Variants in SGSM2 observed in about 807,000 individuals in gnomAD.
SGSM2 encodes the protein small G protein signaling modulator 2, also known as RUN and TBC1 domain containing 1.
SGSM2 carries 89 observed loss-of-function variants against 126.6 expected under a neutral mutation model. The ratio of observed to expected loss-of-function variants is 0.70; its 90% confidence interval spans 0.59 to 0.84. SGSM2 has a LOEUF of 0.84. Among genes scored for constraint, SGSM2 ranks in the 40% least tolerant of loss-of-function variants. The pLI is 0.00. For missense variants in SGSM2, 1,404 were observed against 1,416.6 expected, an observed-to-expected ratio of 0.99 and a Z score of 0.14; for synonymous variants, 614 against 574.3, an observed-to-expected ratio of 1.07 and a Z score of -0.99.
In SGSM2 at chr17:2,367,834, C is replaced by T. The variant is rs1037887052; in HGVS notation, c.1423+429C>T. On this transcript the variant is annotated intron_variant, in intron 12 of 23. Coordinates refer to ENST00000268989, the MANE Select transcript of SGSM2 (RefSeq NM_014853.3). This position sits in a 1 kb window ranked among gnomAD's most constrained non-coding sequence, Gnocchi z 4.0. Reference sequence around the variant, plus strand: ...CTTAACAGAAACAGGATGGAGGTACCGGGTCCTTCCTGGGGCAGGGGCAGC... The same window carrying T: ...CTTAACAGAAACAGGATGGAGGTACTGGGTCCTTCCTGGGGCAGGGGCAGC... 2.0e-5 allele frequency among the ~76,000 whole-genome samples: 3 copies of T among 152,124 alleles called. No homozygotes were observed. Among genetic ancestry groups the T allele is most frequent in the Non-Finnish European group, 2.9e-5 (2 of 68,008 alleles).
intron 1 of SGSM2, among the ~76,000 whole-genome samples, chr17:2,340,874 A>T (rs140941338): frequency 6.6e-6 from 1 of 152,098 alleles, no homozygotes; most frequent in Non-Finnish European, 1.5e-5. Context: ...GTGAGCCACC[A>T]CGCCTGGCCC....
chr17:2,372,177 G>C lies in SGSM2; in HGVS notation c.1578-13G>C. The C allele has an allele frequency of 1.2e-6, 2 of 1,613,210 alleles. No individual in the cohort carries two copies. The highest frequency in any genetic ancestry group is 2.2e-5 in the South Asian group (2 of 91,088). On this transcript the variant is annotated splice_polypyrimidine_tract_variant and intron_variant, in intron 13 of 23. Coordinates refer to ENST00000268989, the MANE Select transcript of SGSM2 (RefSeq NM_014853.3). The surrounding 1 kb of genome is among the most constrained non-coding windows in gnomAD (Gnocchi z 6.0). ...CCGCAGCCCCTCCCTGCTGAGCCCG[G>C]TTGTTGCCACAGGTTGCCGCTCAGG... is the stretch of plus-strand genomic sequence containing the variant.
Position 2,363,462 on chromosome 17 carries a change from C to T in SGSM2, c.673-3C>T, listed in dbSNP as rs1342141602. The T allele has an allele frequency of 6.2e-7, 1 of 1,613,192 alleles. No homozygotes were observed. Among genetic ancestry groups the T allele is most frequent in the Non-Finnish European group, 8.5e-7 (1 of 1,180,006 alleles). On this transcript the variant is annotated splice_region_variant and splice_polypyrimidine_tract_variant and intron_variant, in intron 6 of 23. Transcript: ENST00000268989. The surrounding 1 kb of genome is among the most constrained non-coding windows in gnomAD (Gnocchi z 4.2). ...GGAGGCTGAGCCCCGGCCTTCCACACAGATCCGGAAACGGCACTCAAGCGG... is the reference window on the plus strand; with the variant it reads ...GGAGGCTGAGCCCCGGCCTTCCACATAGATCCGGAAACGGCACTCAAGCGG...
chr17:2,379,775 T>C lies in SGSM2; in HGVS notation c.*255T>C, dbSNP rs1280152780. 2 of 1,365,190 alleles carry C rather than the reference T, an allele frequency of 1.5e-6. No individual in the cohort carries two copies. The highest frequency in any genetic ancestry group is 1.9e-6 in the Non-Finnish European group (2 of 1,056,356). 84.6% of individuals were successfully genotyped at this position (1,365,190 alleles called of 1,614,324 possible). The stretch of plus-strand genomic sequence containing the variant: ...GCTGCCTTGGGGGACACACCTACTC[T>C]GCTCCCCTCTCACACATCTGGGAGT... On this transcript the variant is annotated 3_prime_UTR_variant, in exon 24 of 24. Coordinates refer to ENST00000268989, the MANE Select transcript of SGSM2 (RefSeq NM_014853.3).
chr17:2,372,496 C>T lies in SGSM2; in HGVS notation c.1788+8C>T. The T allele has an allele frequency of 6.3e-7, 1 of 1,595,714 alleles. No homozygotes were observed. Among genetic ancestry groups the T allele is most frequent in the Non-Finnish European group, 8.5e-7 (1 of 1,174,894 alleles). On this transcript the variant is annotated splice_region_variant and intron_variant, in intron 15 of 23. Transcript: ENST00000268989. This position sits in a 1 kb window ranked among gnomAD's most constrained non-coding sequence, Gnocchi z 6.0. ...TATCAGAAGGACAAAAAGGTGCCAA[C>T]CCTGGGGTTCCAGGGCCACAGGTCG...
chr17:2,338,789 A>ATATATATATATAT (rs1483751869), intron 1 of SGSM2, among the ~76,000 whole-genome samples: 14 of 148,206 alleles, frequency 9.4e-5, no homozygotes, highest in East Asian at 2.3e-4. Context: ...ATATATATAT[A>ATATATATATATAT]ACCTCACGCC....
In SGSM2 at chr17:2,375,559, C is replaced by G; in HGVS notation, c.2168C>G (p.Pro723Arg). 1 of 1,613,880 alleles carries G rather than the reference C, an allele frequency of 6.2e-7. No individual in the cohort carries two copies. Among genetic ancestry groups the G allele is most frequent in the Non-Finnish European group, 8.5e-7 (1 of 1,180,014 alleles). ...PQDPEDSRPK[P>R]EQEAGPGTPG... ...GACCCTGAAGATTCCAGACCAAAACCTGAGCAGGAAGCAGGACCCGGGACT... is the reference window on the plus strand; with the variant it reads ...GACCCTGAAGATTCCAGACCAAAACGTGAGCAGGAAGCAGGACCCGGGACT... The change falls in exon 18 of 24, where the codon CCT becomes CGT. Residue 723 changes from proline to arginine, a missense_variant. Transcript: ENST00000268989.
rs568784613 is a variant in SGSM2 at position 2,378,426 on chromosome 17, A to C, written c.2899+473A>C. On this transcript the variant is annotated intron_variant, in intron 22 of 23. Transcript: ENST00000268989. ...CTCCGTCTCTACTAAAAATACAAAA[A>C]TCAGCCGGGCATGGTGGCGGGTGCC... is the stretch of plus-strand genomic sequence containing the variant. 1.6e-3 allele frequency among the ~76,000 whole-genome samples: 242 copies of C among 151,906 alleles called. 2 individuals carry two copies. Among genetic ancestry groups the C allele is most frequent in the African/African-American group, 5.7e-3 (235 of 41,414 alleles).
At chr17:2,341,193 A>G (rs2064353708) in intron 1 of SGSM2, among the ~76,000 whole-genome samples, 1 of 151,994 alleles carries the variant, frequency 6.6e-6, no homozygotes, top group Admixed American at 6.6e-5. Flanking sequence ...ATCTCAGCTC[A>G]CTGCAACCTC....
At chr17:2,342,461 A>C (rs2064414181) in intron 1 of SGSM2, among the ~76,000 whole-genome samples, 4 of 151,828 alleles carry the variant, frequency 2.6e-5, no homozygotes, top group Admixed American at 2.6e-4. Flanking sequence ...AAACCCACAA[A>C]ACTGTCGTGT....
In SGSM2 at chr17:2,380,373, A is replaced by G. The variant is rs60072521; in HGVS notation, c.*853A>G. 93,215 of 1,426,340 alleles carry G rather than the reference A, an allele frequency of 0.065. 4,050 individuals are homozygous for G. Among genetic ancestry groups the G allele is most frequent in the African/African-American group, 0.16 (11,645 of 70,842 alleles). 88.4% of individuals were successfully genotyped at this position (1,426,340 alleles called of 1,614,324 possible). ...AATCCCAGGGTGACTCTGTCGGGGA[A>G]GAATCCGGTCACAGCCTCCCCTCAG... On this transcript the variant is annotated 3_prime_UTR_variant, in exon 24 of 24. Coordinates refer to ENST00000268989, the MANE Select transcript of SGSM2 (RefSeq NM_014853.3).
At chr17:2,379,399 G>C in intron 23 of SGSM2, 33 bp from the exon 24 acceptor site, 1 of 1,592,244 alleles carries the variant, frequency 6.3e-7, no homozygotes, top group Non-Finnish European at 8.6e-7. Context: ...CCTTTCTCTG[G>C]GCCTCTCTAC....
At chr17:2,376,391 AACG>A (rs1264501155) in intron 19 of SGSM2, 130 bp downstream of exon 19, 1 of 1,265,996 alleles carries the variant, frequency 7.9e-7, no homozygotes, top group Admixed American at 2.3e-5. Flanking sequence ...CCCTGCCTGG[AACG>A]CTTTTTTCCT....
rs527379774 is a variant in SGSM2 at position 2,375,863 on chromosome 17, G to T, written c.2472G>T (p.Ala824=). ...EAGEELAAVC[A]AAYTIELLDT... ...GAGAGGAGCTTGCGGCTGTGTGTGC[G>T]GCTGCCTACACTGTGCGTACATGCT... The change falls in exon 18 of 24, where the codon GCG becomes GCT. Residue 824 remains alanine (A), a synonymous_variant. Transcript: ENST00000268989. 3 of 1,523,718 alleles carry T rather than the reference G, an allele frequency of 2.0e-6. No homozygotes were observed. The highest frequency in any genetic ancestry group is 1.3e-5 in the South Asian group (1 of 78,056). 94.4% of individuals were successfully genotyped at this position (1,523,718 alleles called of 1,614,324 possible).
Position 2,371,350 on chromosome 17 carries a change from C to T in SGSM2, c.1512C>T (p.Cys504=), listed in dbSNP as rs2065862724. The T allele has an allele frequency of 1.2e-6, 2 of 1,612,374 alleles. No individual in the cohort carries two copies. The highest frequency in any genetic ancestry group is 1.3e-5 in the African/African-American group (1 of 75,032). The change falls in exon 13 of 24, where the codon TGC becomes TGT. Residue 504 remains cysteine, a synonymous_variant. Coordinates refer to ENST00000268989, the MANE Select transcript of SGSM2 (RefSeq NM_014853.3). Reference sequence around the variant, plus strand: ...CCCTGTGCAGTCAGGGCTCCTCCTGCCTCTCCTGCTCCTCCAGCAGCTCCC... The same window carrying T: ...CCCTGTGCAGTCAGGGCTCCTCCTGTCTCTCCTGCTCCTCCAGCAGCTCCC... ...LEPLCSQGSS[C]LSCSSSSSPH...
intron 19 of SGSM2, 94 bp downstream of exon 19, chr17:2,376,355 C>A: frequency 6.5e-7 from 1 of 1,527,490 alleles, no homozygotes; most frequent in Non-Finnish European, 8.9e-7. Flanking sequence ...GCTCCTCTCT[C>A]CTGCTCCTGA....
Position 2,367,452 on chromosome 17 carries a change from TC to T in SGSM2, c.1423+50del. The T allele has an allele frequency of 7.0e-7, 1 of 1,430,850 alleles. No homozygotes were observed. Among genetic ancestry groups the T allele is most frequent in the Non-Finnish European group, 9.4e-7 (1 of 1,061,586 alleles). The allele number at this position is 1,430,850 out of a possible 1,614,324, so 88.6% of individuals were successfully genotyped here. The stretch of plus-strand genomic sequence containing the variant: ...TGACCCACCTCATCCCCACCCTCCC[TC>T]CCGGGCCCGCCTGCCACCCACCACA... On this transcript the variant is annotated intron_variant, in intron 12 of 23. Transcript: ENST00000268989. The surrounding 1 kb of genome is among the most constrained non-coding windows in gnomAD (Gnocchi z 4.0).
chr17:2,358,705 C>T (rs1425175377), intron 2 of SGSM2, among the ~76,000 whole-genome samples: 1 of 133,104 alleles, frequency 7.5e-6, no homozygotes, highest in Admixed American at 7.1e-5. Context: ...GAGTGAGACC[C>T]GGTCTCAAAA....
At chr17:2,347,543 AT>A (rs928204916) in intron 2 of SGSM2, among the ~76,000 whole-genome samples, 5 of 147,622 alleles carry the variant, frequency 3.4e-5, no homozygotes, top group Non-Finnish European at 7.5e-5. Flanking sequence ...TGGTTTTTGG[AT>A]TTTTTTTCAT....
Sources: allele counts gnomAD v4.1 joint callset (sites outside exome capture counted in the v4.1 genomes callset), GRCh38; gene constraint gnomAD v4.1.1; non-coding constraint Gnocchi (gnomAD v3.1); transcripts MANE v1.5; gene names NCBI Gene and HGNC (gene_info 2026-07-23, HGNC 2026-07-21).